Variants in SLC5A8 observed in about 807,000 individuals in gnomAD.
The protein encoded by SLC5A8 is solute carrier family 5 member 8.
A neutral mutation model predicts 71.9 loss-of-function variants in SLC5A8; 55 were observed. The ratio of observed to expected loss-of-function variants is 0.77; its 90% confidence interval spans 0.62 to 0.96. The LOEUF is 0.96. SLC5A8 is among the 40% of genes least tolerant of loss of function. SLC5A8 has a pLI of 0.00. For synonymous variants in SLC5A8, 307 were observed against 276.1 expected (o/e 1.11, Z -1.11); for missense variants, 701 against 745.3 (o/e 0.94, Z 0.69).
intron 4 of SLC5A8, 35 bp downstream of exon 4, chr12:101,195,060 G>A (rs747589911): frequency 1.2e-5 from 19 of 1,608,890 alleles, no homozygotes; most frequent in African/African-American, 1.3e-5. Flanking sequence ...AAAGCAAGTG[G>A]GTAGAGTGAA....
At chr12:101,185,090 T>A (rs2137148686) in intron 7 of SLC5A8, among the ~76,000 whole-genome samples, 1 of 152,322 alleles carries the variant, frequency 6.6e-6, no homozygotes, top group Non-Finnish European at 1.5e-5. Context: ...TCAATTTCAT[T>A]TAACAATAGT....
At chr12:101,193,929 T>C (rs1869045732) in intron 4 of SLC5A8, 150 bp from the exon 5 acceptor site, 5 of 757,648 alleles carry the variant, frequency 6.6e-6, no homozygotes, top group Non-Finnish European at 1.0e-5. Context: ...GGGAGAATCT[T>C]CATACAGAAG....
At chr12:101,208,477 G>T (rs903394767) in intron 1 of SLC5A8, among the ~76,000 whole-genome samples, 3 of 152,156 alleles carry the variant, frequency 2.0e-5, no homozygotes, top group African/African-American at 7.2e-5. Context: ...GCTGGGTGAG[G>T]GAGACCACTG....
At chr12:101,204,389 T>A in intron 2 of SLC5A8, 111 bp downstream of exon 2, 1 of 919,670 alleles carries the variant, frequency 1.1e-6, no homozygotes, top group Non-Finnish European at 1.7e-6. Context: ...CCCTCATTTT[T>A]TCAACATCTC....
At position 101,157,079 on chromosome 12, in the gene SLC5A8, G is replaced by T. The variant is rs2051670727; in HGVS notation, c.*200C>A. The T allele has an allele frequency of 3.9e-6, 2 of 516,772 alleles. No homozygotes were observed. The highest frequency in any genetic ancestry group is 4.4e-5 in the South Asian group (1 of 22,782). The allele number at this position is 516,772 out of a possible 1,614,324, so 32.0% of individuals were successfully genotyped here. The stretch of plus-strand genomic sequence containing the variant: ...AAAGGAAAGAGAGGGAAATGTCAAT[G>T]CCAGAATTCTAAACTCCAGAGTAAC... On this transcript the variant is annotated 3_prime_UTR_variant, in exon 15 of 15. Transcript: ENST00000536262.
intron 9 of SLC5A8, 125 bp from the exon 10 acceptor site, chr12:101,180,221 A>G (rs1233156621): frequency 2.1e-6 from 2 of 941,746 alleles, no homozygotes; most frequent in African/African-American, 3.3e-5. Flanking sequence ...ATGGCCACAC[A>G]CATCAGAGCC....
chr12:101,187,893 A>G (rs1868729127), intron 6 of SLC5A8, among the ~76,000 whole-genome samples: 1 of 152,246 alleles, frequency 6.6e-6, no homozygotes, highest in Non-Finnish European at 1.5e-5. Flanking sequence ...TTTTAAAAGT[A>G]ATGCAATTGT....
rs901807735 is a variant in SLC5A8 at position 101,190,527 on chromosome 12, A to C, written c.774T>G (p.Gly258=). The change falls in exon 6 of 15, where the codon GGT becomes GGG. Residue 258 remains glycine (G), a synonymous_variant. Coordinates refer to ENST00000536262, the MANE Select transcript of SLC5A8 (RefSeq NM_145913.5). ...GGTFTWTSIY[G]VNQSQVQRYI... The stretch of plus-strand genomic sequence containing the variant: ...ATCTCTGCACCTGGGATTGGTTGAC[A>C]CCGTAGATGCTGGTCCATGTGAAGG... 2.5e-6 allele frequency: 4 copies of C among 1,613,436 alleles called. No individual in the cohort carries two copies. The highest frequency in any genetic ancestry group is 3.4e-6 in the Non-Finnish European group (4 of 1,179,752).
At chr12:101,206,364 A>C (rs1869678833) in intron 1 of SLC5A8, among the ~76,000 whole-genome samples, 1 of 152,234 alleles carries the variant, frequency 6.6e-6, no homozygotes, top group African/African-American at 2.4e-5. Context: ...GAATCACTAA[A>C]CATGTGAATG....
At chr12:101,161,465 TA>T (rs941336195) in intron 13 of SLC5A8, among the ~76,000 whole-genome samples, 2 of 152,188 alleles carry the variant, frequency 1.3e-5, no homozygotes, top group South Asian at 2.1e-4. Context: ...ACACACTTTT[TA>T]AAAAATGATA....
intron 7 of SLC5A8, 101 bp from the exon 8 acceptor site, chr12:101,184,323 G>A: frequency 2.1e-6 from 2 of 941,258 alleles, no homozygotes; most frequent in South Asian, 1.6e-5. Flanking sequence ...GAACTGAAAG[G>A]AGTTATTCCA....
Position 101,209,868 on chromosome 12 carries a change from C to T in SLC5A8, c.-20G>A, listed in dbSNP as rs780571008. 1 of 1,501,600 alleles carries T rather than the reference C, an allele frequency of 6.7e-7. No individual in the cohort carries two copies. Among genetic ancestry groups the T allele is most frequent in the East Asian group, 2.4e-5 (1 of 42,360 alleles). The allele number at this position is 1,501,600 out of a possible 1,614,324, so 93.0% of individuals were successfully genotyped here. On this transcript the variant is annotated 5_prime_UTR_variant, in exon 1 of 15. Coordinates refer to ENST00000536262, the MANE Select transcript of SLC5A8 (RefSeq NM_145913.5). ...GTCCATGGCCGCACGGTCGCCTGAG[C>T]CCTGCGCGCAAACTGGTGGCCCCGC...
intron 3 of SLC5A8, among the ~76,000 whole-genome samples, chr12:101,195,546 T>C (rs1869133709): frequency 6.6e-6 from 1 of 152,202 alleles, no homozygotes; most frequent in Non-Finnish European, 1.5e-5. Flanking sequence ...TTGAGGATAA[T>C]GTATCATACT....
chr12:101,191,935 AT>A (rs1868930429), intron 5 of SLC5A8, among the ~76,000 whole-genome samples: 1 of 152,214 alleles, frequency 6.6e-6, no homozygotes, highest in Non-Finnish European at 1.5e-5. Flanking sequence ...CAATATATGT[AT>A]CCTTCATATA....
intron 12 of SLC5A8, among the ~76,000 whole-genome samples, 155 bp downstream of exon 12, chr12:101,166,339 C>T (rs1206159129): frequency 6.6e-6 from 1 of 152,044 alleles, no homozygotes; most frequent in Admixed American, 6.6e-5. Context: ...TTTTTTGTTA[C>T]CGCTGCAGAA....
At chr12:101,170,586 C>T (rs1459474312) in intron 10 of SLC5A8, among the ~76,000 whole-genome samples, 2 of 152,132 alleles carry the variant, frequency 1.3e-5, no homozygotes, top group African/African-American at 4.8e-5. Context: ...AAAGCCCTCA[C>T]AAAATCCTGT....
chr12:101,187,467 T>C lies in SLC5A8; in HGVS notation c.882A>G (p.Ser294=). ...LVGLWAILTC[S]VFCGLALYSR... ...AATATAGGGCGAGCCCACAAAACAC[T>C]GAGCATGTGAGGATTGCCCAGAGTC... Residue 294 remains serine (S), a synonymous_variant, in exon 7 of 15, where the codon TCA becomes TCG. Coordinates refer to ENST00000536262, the MANE Select transcript of SLC5A8 (RefSeq NM_145913.5). 6.2e-7 allele frequency: 1 copy of C among 1,613,912 alleles called. No homozygotes were observed. Among genetic ancestry groups the C allele is most frequent in the Non-Finnish European group, 8.5e-7 (1 of 1,179,918 alleles).
intron 10 of SLC5A8, among the ~76,000 whole-genome samples, chr12:101,170,880 G>A (rs555803190): frequency 4.6e-5 from 7 of 152,284 alleles, no homozygotes; most frequent in East Asian, 3.9e-4. Flanking sequence ...TGTGGTGCTC[G>A]CGTGTTTCGG....
At chr12:101,190,747 T>C (rs563520102) in intron 5 of SLC5A8, 139 bp from the exon 6 acceptor site, 3 of 621,122 alleles carry the variant, frequency 4.8e-6, no homozygotes, top group South Asian at 5.7e-5. Context: ...TATTAATTAA[T>C]TTAAAAGGTA....
Sources: gnomAD v4.1 joint callset for allele counts (sites outside exome capture counted in the v4.1 genomes callset) on GRCh38, gnomAD v4.1.1 for gene constraint, MANE v1.5 for transcripts, NCBI Gene and HGNC (gene_info 2026-07-23, HGNC 2026-07-21) for gene names.